Variants in FRY observed in about 807,000 individuals in gnomAD.
FRY encodes the protein protein furry homolog.
Under a neutral mutation model 348.4 loss-of-function variants are expected in FRY, and 128 were observed. The ratio of observed to expected loss-of-function variants is 0.37; its 90% confidence interval spans 0.32 to 0.43. The LOEUF is 0.43. Among genes scored for constraint, FRY ranks in the 20% least tolerant of loss-of-function variants. FRY has a pLI of 1.00. For missense variants in FRY, 2,736 were observed against 3,695.2 expected (o/e 0.74, Z 6.73); for synonymous variants, 1,370 against 1,374.7 (o/e 1.00, Z 0.08).
chr13:32,244,132 G>A lies in FRY; in HGVS notation c.6778G>A (p.Val2260Ile), dbSNP rs759204062. 2 of 1,613,980 alleles carry A rather than the reference G, an allele frequency of 1.2e-6. No individual in the cohort carries two copies. Among genetic ancestry groups the A allele is most frequent in the South Asian group, 1.1e-5 (1 of 91,082 alleles). The change falls in exon 47 of 61, where the codon GTC becomes ATC. Residue 2260 changes from valine (V) to isoleucine (I), a missense_variant. Coordinates refer to ENST00000542859, the MANE Select transcript of FRY (RefSeq NM_023037.3). ...LSYMDLSVVP[V>I]KQFNVEVLKT... ...CTACATGGACCTTTCTGTCGTTCCT[G>A]TCAAACAGTTCAATGTGGAAGTTCT...
chr13:32,237,773 A>G lies in FRY; in HGVS notation c.6205A>G (p.Arg2069Gly). ...CTTAATGGCCTTAAGGCTGTTGAGC[A>G]GACTACTGGCACATATGCCACTCGA... ...EYLMALRLLS[R>G]LLAHMPLDKA... is the part of the protein sequence containing the mutation. The change falls in exon 44 of 61, where the codon AGA becomes GGA. Residue 2069 changes from arginine to glycine, a missense_variant. By Grantham distance (125) the Arg-to-Gly change is moderately radical. This residue lies in a region of FRY where 789 missense variants were observed against 996.2 expected (regional missense o/e 0.79). Coordinates refer to ENST00000542859, the MANE Select transcript of FRY (RefSeq NM_023037.3). This position sits in a 1 kb window ranked among gnomAD's most constrained non-coding sequence, Gnocchi z 6.3. 6.2e-7 allele frequency: 1 copy of G among 1,614,176 alleles called. No homozygotes were observed. Among genetic ancestry groups the G allele is most frequent in the East Asian group, 2.2e-5 (1 of 44,880 alleles).
intron 1 of FRY, among the ~76,000 whole-genome samples, chr13:32,066,792 T>C (rs1257126474): frequency 1.3e-5 from 2 of 152,202 alleles, no homozygotes; most frequent in Non-Finnish European, 2.9e-5. Flanking sequence ...CAAAATAAAG[T>C]TCACATTCAT....
rs1358647502 is a variant in FRY at position 32,171,109 on chromosome 13, T to C, written c.1990T>C (p.Phe664Leu). ...CTCAGATTGGAGGGAAGATGTACTATTTGGCTTTACCAACTTCCTGCTCCG... is the reference window on the plus strand; with the variant it reads ...CTCAGATTGGAGGGAAGATGTACTACTTGGCTTTACCAACTTCCTGCTCCG... Reference protein sequence around the residue: ...DFSDWREDVLFGFTNFLLREV... With the variant: ...DFSDWREDVLLGFTNFLLREV... The change falls in exon 18 of 61, where the codon TTT (phenylalanine) becomes CTT (leucine). Residue 664 changes from phenylalanine (F) to leucine (L), a missense_variant. Coordinates refer to ENST00000542859, the MANE Select transcript of FRY (RefSeq NM_023037.3). The C allele has an allele frequency of 6.2e-7, 1 of 1,613,432 alleles. No homozygotes were observed. Among genetic ancestry groups the C allele is most frequent in the Non-Finnish European group, 8.5e-7 (1 of 1,179,410 alleles).
intron 15 of FRY, among the ~76,000 whole-genome samples, chr13:32,156,098 A>G (rs1188060379): frequency 6.6e-6 from 1 of 152,216 alleles, no homozygotes; most frequent in African/African-American, 2.4e-5. Context: ...TATATTGTGG[A>G]TTTAGACTAC....
intron 19 of FRY, 141 bp from the exon 20 acceptor site, chr13:32,175,405 C>T: frequency 2.9e-6 from 2 of 701,464 alleles, no homozygotes; most frequent in South Asian, 3.0e-5. Context: ...TGCCTTCCAC[C>T]CTCTGGGCAC....
intron 23 of FRY, among the ~76,000 whole-genome samples, chr13:32,180,384 G>T (rs1331885229): frequency 2.0e-5 from 3 of 151,958 alleles, no homozygotes; most frequent in African/African-American, 7.3e-5. Flanking sequence ...ACAGACCCGC[G>T]CCACCACATC....
chr13:32,297,017 A>G lies in FRY; in HGVS notation c.*1557A>G, dbSNP rs781403751. On this transcript the variant is annotated 3_prime_UTR_variant, in exon 61 of 61. Coordinates refer to ENST00000542859, the MANE Select transcript of FRY (RefSeq NM_023037.3). Reference sequence around the variant, plus strand: ...ATTCTGTCACCAACACCTATCCCCCAGGAACACAGGGAGAAACATGTAACA... The same window carrying G: ...ATTCTGTCACCAACACCTATCCCCCGGGAACACAGGGAGAAACATGTAACA... 3.9e-5 allele frequency: 6 copies of G among 152,252 alleles called. No individual in the cohort carries two copies. Among genetic ancestry groups the G allele is most frequent in the African/African-American group, 7.2e-5 (3 of 41,472 alleles). 9.4% of individuals were successfully genotyped at this position (152,252 alleles called of 1,614,324 possible). A position where few individuals can be genotyped will look rare whatever the true frequency, so the allele number is the denominator to read the frequency against.
intron 1 of FRY, among the ~76,000 whole-genome samples, chr13:32,040,213 G>A (rs1566040927): frequency 6.6e-6 from 1 of 152,160 alleles, no homozygotes; most frequent in Non-Finnish European, 1.5e-5. Flanking sequence ...GAGAGATTTG[G>A]CCAATCAATA....
chr13:32,172,218 G>A (rs1309513140), intron 18 of FRY, among the ~76,000 whole-genome samples: 1 of 151,980 alleles, frequency 6.6e-6, no homozygotes, highest in Non-Finnish European at 1.5e-5. Flanking sequence ...GGATGTAAAT[G>A]TGGATGTGAT....
intron 3 of FRY, among the ~76,000 whole-genome samples, chr13:32,107,272 G>A (rs543279965): frequency 2.0e-5 from 3 of 152,282 alleles, no homozygotes; most frequent in South Asian, 4.1e-4. Context: ...CAGGAGAATC[G>A]CTTGAACCTG....
At chr13:32,063,507 A>C (rs377436469) in intron 1 of FRY, among the ~76,000 whole-genome samples, 1 of 152,312 alleles carries the variant, frequency 6.6e-6, no homozygotes, top group Non-Finnish European at 1.5e-5. Context: ...ACACACATAC[A>C]TATCTGTAGA....
chr13:32,122,230 T>C (rs1223808145), intron 4 of FRY, among the ~76,000 whole-genome samples: 1 of 151,870 alleles, frequency 6.6e-6, no homozygotes, highest in Non-Finnish European at 1.5e-5. Flanking sequence ...GATCACAAGG[T>C]CAGAAGATCG....
chr13:32,182,260 A>C (rs1297890119), intron 23 of FRY, among the ~76,000 whole-genome samples: 1 of 152,240 alleles, frequency 6.6e-6, no homozygotes, highest in Non-Finnish European at 1.5e-5. Context: ...ATTAGATTAG[A>C]AAGTGTAATG....
chr13:32,172,588 G>C (rs1438270438), intron 18 of FRY, among the ~76,000 whole-genome samples: 2 of 152,170 alleles, frequency 1.3e-5, no homozygotes, highest in African/African-American at 4.8e-5. Flanking sequence ...GTGGGAACTT[G>C]GCATTGGCAA....
chr13:32,260,826 A>G (rs1191299538), intron 51 of FRY, among the ~76,000 whole-genome samples: 1 of 149,234 alleles, frequency 6.7e-6, no homozygotes, highest in South Asian at 2.1e-4. Flanking sequence ...GTCTCAAAAG[A>G]AAAAAACAAA....
chr13:32,224,435 TC>T (rs1885478715), intron 37 of FRY, 50 bp downstream of exon 37: 2 of 1,578,044 alleles, frequency 1.3e-6, no homozygotes, highest in Non-Finnish European at 1.7e-6. Context: ...ACTGGACTTT[TC>T]TACCTATGAC....
chr13:32,106,710 G>C (rs1321253865), intron 3 of FRY, among the ~76,000 whole-genome samples: 1 of 152,274 alleles, frequency 6.6e-6, no homozygotes, highest in South Asian at 2.1e-4. Flanking sequence ...TATAAGAAAG[G>C]TGGAGAAATT....
intron 3 of FRY, among the ~76,000 whole-genome samples, chr13:32,106,171 A>G (rs1200638371): frequency 6.7e-6 from 1 of 148,314 alleles, no homozygotes; most frequent in Non-Finnish European, 1.5e-5. Flanking sequence ...TTAATACACT[A>G]TTATGTTAAT....
intron 2 of FRY, among the ~76,000 whole-genome samples, chr13:32,097,789 G>A (rs1876846432): frequency 6.6e-6 from 1 of 151,930 alleles, no homozygotes; most frequent in Non-Finnish European, 1.5e-5. Context: ...TGTTGGTTAA[G>A]AAGTTTTTGA....
Sources: gnomAD v4.1 joint callset for allele counts (sites outside exome capture counted in the v4.1 genomes callset) on GRCh38, gnomAD v4.1.1 for gene constraint, gnomAD v4.1.1 regional missense constraint, Gnocchi (gnomAD v3.1) non-coding constraint, MANE v1.5 for transcripts, NCBI Gene and HGNC (gene_info 2026-07-23, HGNC 2026-07-21) for gene names.